SH3KBP1: variants seen among roughly 807,000 people sequenced by gnomAD.
The protein encoded by SH3KBP1 is SH3 domain containing kinase binding protein 1, also known as SH3 domain-containing kinase-binding protein 1.
A neutral mutation model predicts 50.1 loss-of-function variants in SH3KBP1; 8 were observed. The observed-to-expected ratio is 0.16, with a 90% confidence interval of 0.09 to 0.29. The LOEUF is 0.29. Among genes scored for constraint, SH3KBP1 ranks in the 10% least tolerant of loss-of-function variants. The pLI, the probability that SH3KBP1 is intolerant of heterozygous loss-of-function variation, is 1.00. For synonymous variants in SH3KBP1, 227 were observed against 218.6 expected, an observed-to-expected ratio of 1.04 and a Z score of -0.34; for missense variants, 377 against 535.2, an observed-to-expected ratio of 0.70 and a Z score of 2.92.
chrX:19,842,713 A>G (rs2068259898), intron 1 of SH3KBP1, among the ~76,000 whole-genome samples: 1 of 110,887 alleles, frequency 9.0e-6, no homozygotes, highest in African/African-American at 3.3e-5. Context: ...GGGACTGTCC[A>G]TCAACATGCC....
intron 2 of SH3KBP1, among the ~76,000 whole-genome samples, chrX:19,767,503 T>TA (rs1350209255): frequency 9.0e-6 from 1 of 111,403 alleles, no homozygotes; most frequent in African/African-American, 3.3e-5. Context: ...ATTTTTAGAG[T>TA]AGAAAGGGAT....
chrX:19,882,397 C>A (rs2069460454), intron 1 of SH3KBP1, among the ~76,000 whole-genome samples: 1 of 111,359 alleles, frequency 9.0e-6, no homozygotes. Flanking sequence ...AATGTCATCA[C>A]AGGAGTCCAT....
intron 6 of SH3KBP1, among the ~76,000 whole-genome samples, chrX:19,668,992 T>C (rs1205977323): frequency 1.2e-5 from 1 of 84,358 alleles, no homozygotes; most frequent in Non-Finnish European, 2.3e-5. Flanking sequence ...AGACAGGCTG[T>C]CACTCTGTCA....
At position 19,763,075 on chromosome X, in the gene SH3KBP1, A is replaced by G. The variant is rs2065480588; in HGVS notation, c.163-16634T>C. ...TTCTCACAGAACTATAACCCACATG[A>G]AACCACCCAGTTGTCTCAAGTCCTC... On this transcript the variant is annotated intron_variant, in intron 2 of 17. Transcript: ENST00000397821. Among the ~76,000 whole-genome samples the G allele has an allele frequency of 2.7e-5, 3 of 111,899 alleles. No individual in the cohort carries two copies. In the Admixed American group the frequency reaches 2.8e-4, roughly 11 times the overall value.
At chrX:19,620,749 T>A (rs898284859) in intron 8 of SH3KBP1, among the ~76,000 whole-genome samples, 2 of 112,452 alleles carry the variant, frequency 1.8e-5, no homozygotes, top group Non-Finnish European at 3.8e-5. Flanking sequence ...AGGCAATTAC[T>A]TACTGAACAC....
intron 2 of SH3KBP1, among the ~76,000 whole-genome samples, chrX:19,761,008 A>G (rs1156546467): frequency 5.6e-5 from 6 of 106,971 alleles, no homozygotes; most frequent in African/African-American, 2.1e-4. Context: ...TAAAACAAGA[A>G]AGAGAAGGAC....
intron 1 of SH3KBP1, among the ~76,000 whole-genome samples, chrX:19,878,505 T>TGTGTGTGTGAGAGA (rs1491094714): frequency 8.3e-5 from 4 of 48,251 alleles, no homozygotes; most frequent in Admixed American, 2.4e-4. Flanking sequence ...TGTGTGTGTG[T>TGTGTGTGTGAGAGA]GAGAGAGAGA....
intron 6 of SH3KBP1, among the ~76,000 whole-genome samples, chrX:19,655,243 C>A: frequency 9.0e-6 from 1 of 111,576 alleles, no homozygotes; most frequent in Middle Eastern, 4.6e-3. Flanking sequence ...ATTCCTCATT[C>A]ATTCATTCAT....
chrX:19,671,804 C>T (rs1193285792), intron 6 of SH3KBP1, among the ~76,000 whole-genome samples: 1 of 112,086 alleles, frequency 8.9e-6, no homozygotes, highest in African/African-American at 3.2e-5. Flanking sequence ...GTGCTTGGCA[C>T]ACAGTAAATA....
At chrX:19,804,881 TAC>T (rs1491159765) in intron 2 of SH3KBP1, among the ~76,000 whole-genome samples, 27 of 4,787 alleles carry the variant, frequency 5.6e-3, no homozygotes, top group African/African-American at 0.02. Context: ...GCCCAAACCC[TAC>T]CCCCCCCCCC....
chrX:19,747,643 A>T (rs1052743654), intron 2 of SH3KBP1: 7 of 340,596 alleles, frequency 2.1e-5, no homozygotes, highest in African/African-American at 1.1e-4. Flanking sequence ...CTTCCTGCAC[A>T]CTCAAGAGTG....
At chrX:19,731,485 C>T (rs2064376478) in intron 3 of SH3KBP1, among the ~76,000 whole-genome samples, 1 of 111,453 alleles carries the variant, frequency 9.0e-6, no homozygotes, top group Admixed American at 9.6e-5. Context: ...AACTATTTCA[C>T]CTTCTCTCTC....
At chrX:19,785,144 C>G (rs965885072) in intron 2 of SH3KBP1, among the ~76,000 whole-genome samples, 1 of 110,634 alleles carries the variant, frequency 9.0e-6, no homozygotes, top group Non-Finnish European at 1.9e-5. Context: ...AATTCATAAT[C>G]TAGTCTGGTG....
At chrX:19,708,192 G>A (rs912562994) in intron 3 of SH3KBP1, among the ~76,000 whole-genome samples, 2 of 112,382 alleles carry the variant, frequency 1.8e-5, no homozygotes, top group African/African-American at 6.5e-5. Flanking sequence ...GTGCTACATC[G>A]GATGTGTGCC....
intron 1 of SH3KBP1, among the ~76,000 whole-genome samples, chrX:19,864,502 C>T (rs943163715): frequency 8.9e-6 from 1 of 111,952 alleles, no homozygotes; most frequent in Non-Finnish European, 1.9e-5. Flanking sequence ...GAGAGAAGAT[C>T]AAGTGACACA....
At chrX:19,662,087 C>T (rs1371526754) in intron 6 of SH3KBP1, among the ~76,000 whole-genome samples, 1 of 111,725 alleles carries the variant, frequency 9.0e-6, no homozygotes, top group Non-Finnish European at 1.9e-5. Context: ...CATTATATTT[C>T]CTTCTCCAAG....
intron 3 of SH3KBP1, among the ~76,000 whole-genome samples, chrX:19,722,979 A>T (rs1398353558): frequency 9.2e-6 from 1 of 108,769 alleles, no homozygotes; most frequent in Non-Finnish European, 1.9e-5. Context: ...CACAAAAAAC[A>T]AAACAAAACA....
chrX:19,706,003 T>C (rs1341588653), intron 4 of SH3KBP1, among the ~76,000 whole-genome samples: 1 of 111,545 alleles, frequency 9.0e-6, no homozygotes, highest in Non-Finnish European at 1.9e-5. Flanking sequence ...TGACACATGT[T>C]CACATTAGGT....
At chrX:19,785,104 A>G (rs1459374665) in intron 2 of SH3KBP1, among the ~76,000 whole-genome samples, 2 of 110,617 alleles carry the variant, frequency 1.8e-5, no homozygotes, top group Admixed American at 1.9e-4. Flanking sequence ...AAATGAAGAT[A>G]TCACCCCACC....
Sources: allele counts gnomAD v4.1 joint callset (sites outside exome capture counted in the v4.1 genomes callset), GRCh38; gene constraint gnomAD v4.1.1; transcripts MANE v1.5; gene names NCBI Gene and HGNC (gene_info 2026-07-23, HGNC 2026-07-21).